KCNH5: variants seen among roughly 807,000 people sequenced by gnomAD.
KCNH5 encodes the protein potassium voltage-gated channel subfamily H member 5, also known as voltage-gated delayed rectifier potassium channel KCNH5.
Under a neutral mutation model 96.1 loss-of-function variants are expected in KCNH5, and 46 were observed. The ratio of observed to expected loss-of-function variants is 0.48; its 90% CI spans 0.38 to 0.61. KCNH5 has a LOEUF of 0.61. Ranked by LOEUF, KCNH5 falls within the 20% of genes least tolerant of loss-of-function variation. KCNH5 has a pLI of 0.00. For missense variants in KCNH5, 907 were observed against 1,225.8 expected (o/e 0.74, Z 3.88); for synonymous variants, 439 against 449.8 (o/e 0.98, Z 0.30).
chr14:62,841,436 T>TA (rs1887583252), intron 8 of KCNH5, among the ~76,000 whole-genome samples: 2 of 152,336 alleles, frequency 1.3e-5, no homozygotes, highest in South Asian at 4.1e-4. Context: ...TACAAACACC[T>TA]ACTCATACTA....
At chr14:62,880,489 C>T (rs1445738711) in intron 7 of KCNH5, among the ~76,000 whole-genome samples, 2 of 152,138 alleles carry the variant, frequency 1.3e-5, no homozygotes, top group Non-Finnish European at 2.9e-5. Flanking sequence ...ATGAGAAATT[C>T]TTTGATGTCA....
intron 10 of KCNH5, among the ~76,000 whole-genome samples, chr14:62,726,163 G>T (rs1320179741): frequency 3.9e-5 from 6 of 152,120 alleles, no homozygotes; most frequent in Non-Finnish European, 8.8e-5. Flanking sequence ...ATAGACTGCA[G>T]ATTGTAATGT....
At chr14:62,803,556 T>C (rs1371388769) in intron 8 of KCNH5, among the ~76,000 whole-genome samples, 1 of 152,202 alleles carries the variant, frequency 6.6e-6, no homozygotes, top group African/African-American at 2.4e-5. Flanking sequence ...TTCTGGTCTC[T>C]GACTTCTGAA....
intron 7 of KCNH5, among the ~76,000 whole-genome samples, chr14:62,939,013 G>A (rs1014177226): frequency 6.6e-6 from 1 of 152,166 alleles, no homozygotes; most frequent in African/African-American, 2.4e-5. Flanking sequence ...GAAGTTAATG[G>A]CTAATAATAC....
chr14:62,810,297 C>T (rs974820132), intron 8 of KCNH5, among the ~76,000 whole-genome samples: 1 of 151,954 alleles, frequency 6.6e-6, no homozygotes, highest in Admixed American at 6.6e-5. Context: ...CCCTATTAAG[C>T]CTGAAGACAT....
At chr14:62,867,392 A>T (rs1888155568) in intron 7 of KCNH5, among the ~76,000 whole-genome samples, 1 of 152,124 alleles carries the variant, frequency 6.6e-6, no homozygotes, top group African/African-American at 2.4e-5. Flanking sequence ...TCACACCCCA[A>T]AACTCAAGCT....
At chr14:62,974,359 C>A (rs1890463446) in intron 6 of KCNH5, among the ~76,000 whole-genome samples, 1 of 152,136 alleles carries the variant, frequency 6.6e-6, no homozygotes. Context: ...CCTCTAATCT[C>A]CCCAAAATCA....
At chr14:62,820,821 T>G (rs1370010823) in intron 8 of KCNH5, among the ~76,000 whole-genome samples, 1 of 152,126 alleles carries the variant, frequency 6.6e-6, no homozygotes. Flanking sequence ...GTCTTCCTAA[T>G]AGAATGATTT....
intron 1 of KCNH5, among the ~76,000 whole-genome samples, chr14:63,029,468 G>T (rs913651591): frequency 6.6e-6 from 1 of 152,092 alleles, no homozygotes; most frequent in Non-Finnish European, 1.5e-5. Context: ...TTACTATTAT[G>T]TACAAGATTA....
chr14:62,968,057 A>G (rs983981117), intron 6 of KCNH5, among the ~76,000 whole-genome samples: 23 of 152,230 alleles, frequency 1.5e-4, no homozygotes, highest in African/African-American at 5.3e-4. Flanking sequence ...AAATTCATGC[A>G]AAAGAATGTT....
intron 1 of KCNH5, among the ~76,000 whole-genome samples, chr14:63,031,291 G>A (rs1033002768): frequency 7.2e-5 from 11 of 152,100 alleles, no homozygotes; most frequent in African/African-American, 2.7e-4. Context: ...CAGACAACAG[G>A]AAAATAACTA....
At chr14:62,830,379 T>A (rs1887318427) in intron 8 of KCNH5, among the ~76,000 whole-genome samples, 1 of 152,150 alleles carries the variant, frequency 6.6e-6, no homozygotes, top group Non-Finnish European at 1.5e-5. Context: ...CTGTATTAGT[T>A]TTCACACTGT....
chr14:62,865,052 C>T (rs1566686816), intron 7 of KCNH5, among the ~76,000 whole-genome samples: 1 of 152,106 alleles, frequency 6.6e-6, no homozygotes, highest in Non-Finnish European at 1.5e-5. Context: ...TGGAACTAGT[C>T]ATGAAAGGCC....
In KCNH5 at chr14:62,828,020, A is replaced by G. The variant is rs181068895; in HGVS notation, c.1569+21633T>C. 2.0e-3 allele frequency among the ~76,000 whole-genome samples: 297 copies of G among 152,272 alleles called. 1 individual carries two copies. The highest frequency in any genetic ancestry group is 3.4e-3 in the Middle Eastern group (1 of 294). ...ATATTTGTTCTTATGTCCCTTACAT[A>G]ATATGAGACAAAATGTGGGCACCTT... On this transcript the variant is annotated intron_variant, in intron 8 of 10. Transcript: ENST00000322893.
At chr14:62,710,968 C>G (rs1884554699) in intron 10 of KCNH5, among the ~76,000 whole-genome samples, 1 of 152,072 alleles carries the variant, frequency 6.6e-6, no homozygotes, top group Admixed American at 6.5e-5. Flanking sequence ...CAAGGACATT[C>G]CTATTTTGTA....
chr14:63,017,641 T>C (rs1594677337), intron 1 of KCNH5, among the ~76,000 whole-genome samples: 5 of 151,848 alleles, frequency 3.3e-5, no homozygotes, highest in Admixed American at 3.3e-4. Context: ...CCAATCATAT[T>C]AGGCAGTAAC....
At chr14:62,765,741 A>G (rs1419261893) in intron 10 of KCNH5, among the ~76,000 whole-genome samples, 1 of 152,146 alleles carries the variant, frequency 6.6e-6, no homozygotes, top group African/African-American at 2.4e-5. Flanking sequence ...TGAAAATACT[A>G]CAAGAAAATA....
intron 8 of KCNH5, among the ~76,000 whole-genome samples, chr14:62,842,522 T>C (rs1887606397): frequency 6.6e-6 from 1 of 152,262 alleles, no homozygotes; most frequent in African/African-American, 2.4e-5. Flanking sequence ...AAATTATAGT[T>C]TTCATATATT....
At chr14:62,972,400 G>A (rs1473145055) in intron 6 of KCNH5, among the ~76,000 whole-genome samples, 1 of 152,210 alleles carries the variant, frequency 6.6e-6, no homozygotes, top group Admixed American at 6.5e-5. Context: ...CATCGCTGAT[G>A]GGAATACATA....
Sources: allele counts gnomAD v4.1 joint callset (sites outside exome capture counted in the v4.1 genomes callset), GRCh38; gene constraint gnomAD v4.1.1; transcripts MANE v1.5; gene names NCBI Gene and HGNC (gene_info 2026-07-23, HGNC 2026-07-21).